PDE1C: variants seen among roughly 807,000 people sequenced by gnomAD.
The protein encoded by PDE1C is phosphodiesterase 1C.
A neutral mutation model predicts 93.1 loss-of-function variants in PDE1C; 62 were observed. The ratio of observed to expected loss-of-function variants is 0.67; its 90% CI spans 0.54 to 0.82. The LOEUF is 0.82. Among genes scored for constraint, PDE1C ranks in the 40% least tolerant of loss-of-function variants. The probability of loss-of-function intolerance (pLI) is 0.00; values close to 1 mark genes in which losing one functional copy is unlikely to be tolerated. For synonymous variants in PDE1C, 325 were observed against 310.1 expected (o/e 1.05, Z -0.50); for missense variants, 742 against 884.6 (o/e 0.84, Z 2.04).
At chr7:31,620,065 G>A in the PDE1C span, among the ~76,000 whole-genome samples, 131 of 152,272 alleles carry the variant, frequency 8.6e-4, no homozygotes, top group Non-Finnish European at 1.7e-3. Context: ...AGGGGTGCCC[G>A]CCATTACCCA....
rs375457265 is a variant in PDE1C at position 32,112,906 on chromosome 7, A to G, written c.308+56879T>C. 5.7e-5 allele frequency among the ~76,000 whole-genome samples: 8 copies of G among 141,400 alleles called. No individual in the cohort carries two copies. The East Asian group carries it at 6.2e-4, about 11-fold the overall frequency. The allele number at this position is 141,400 out of a possible 152,430, so 92.8% of individuals were successfully genotyped here. Reference sequence around the variant, plus strand: ...TCCTGCCTGCTTCTTGGTTATTGTGATGCTTCAACTTTGATCAGAGGCAGT... The same window carrying G: ...TCCTGCCTGCTTCTTGGTTATTGTGGTGCTTCAACTTTGATCAGAGGCAGT... On this transcript the variant is annotated intron_variant, in intron 3 of 18. Coordinates refer to the PDE1C transcript ENST00000396193.
At chr7:31,748,291 T>C (rs1457581316), downstream of PDE1C, among the ~76,000 whole-genome samples, 1 of 144,546 alleles carries the variant, frequency 6.9e-6, no homozygotes, top group Non-Finnish European at 1.5e-5. Context: ...TACAAAAGTT[T>C]GGAATCTTTC....
chr7:32,000,187 G>C (rs1020338140), intron 2 of PDE1C, among the ~76,000 whole-genome samples: 7 of 152,124 alleles, frequency 4.6e-5, no homozygotes, highest in Admixed American at 1.3e-4. Context: ...CTCAGGAAAG[G>C]GGGGAGCCTT....
the PDE1C span, among the ~76,000 whole-genome samples, chr7:31,672,756 C>T: frequency 3.3e-5 from 5 of 152,072 alleles, no homozygotes; most frequent in Non-Finnish European, 5.9e-5. Flanking sequence ...GGGCAGTAAA[C>T]GGAATGGGAA....
At chr7:32,236,784 C>A (rs1184827944) in intron 1 of PDE1C, among the ~76,000 whole-genome samples, 1 of 152,160 alleles carries the variant, frequency 6.6e-6, no homozygotes, top group African/African-American at 2.4e-5. Flanking sequence ...CCACCTAATA[C>A]AAGTTTTTAT....
chr7:32,059,301 A>AT (rs1488032087), intron 1 of PDE1C, among the ~76,000 whole-genome samples: 1 of 152,166 alleles, frequency 6.6e-6, no homozygotes, highest in Non-Finnish European at 1.5e-5. Context: ...AAGACAGTCA[A>AT]TTTTTTACTC....
At position 31,977,077 on chromosome 7, in the gene PDE1C, T is replaced by C. The variant is rs150857410; in HGVS notation, c.128+74477A>G. On this transcript the variant is annotated intron_variant, in intron 2 of 17. Coordinates refer to ENST00000396191, the MANE Select transcript of PDE1C (RefSeq NM_001191057.4). ...TCAGAAACACTAAATTTAAGAATTA[T>C]TACTCTAGATATCTGCTATAGTTTA... Among the ~76,000 whole-genome samples the C allele has an allele frequency of 8.4e-3, 1,285 of 152,330 alleles. 21 individuals are homozygous for C. Among genetic ancestry groups the C allele is most frequent in the African/African-American group, 0.03 (1,232 of 41,574 alleles).
intron 2 of PDE1C, among the ~76,000 whole-genome samples, chr7:31,985,504 T>C (rs1783261122): frequency 6.6e-6 from 1 of 152,172 alleles, no homozygotes; most frequent in African/African-American, 2.4e-5. Flanking sequence ...ACATGTGCCA[T>C]GTTGGTTTCC....
intron 3 of PDE1C, among the ~76,000 whole-genome samples, chr7:32,114,021 G>A (rs1190558007): frequency 6.6e-6 from 1 of 152,150 alleles, no homozygotes; most frequent in African/African-American, 2.4e-5. Context: ...TCATGGATAG[G>A]AAGAATAAAT....
intron 1 of PDE1C, among the ~76,000 whole-genome samples, chr7:32,253,389 C>A (rs1460225387): frequency 6.6e-6 from 1 of 152,090 alleles, no homozygotes; most frequent in African/African-American, 2.4e-5. Context: ...TGGCCTTTAC[C>A]GAAACCCCAC....
chr7:31,976,186 G>C (rs972881234), intron 2 of PDE1C, among the ~76,000 whole-genome samples: 1 of 152,116 alleles, frequency 6.6e-6, no homozygotes, highest in East Asian at 1.9e-4. Flanking sequence ...ATATATAACG[G>C]CATGCTTCCA....
chr7:32,202,255 T>G (rs1860220), intron 2 of PDE1C, among the ~76,000 whole-genome samples: 113,842 of 152,124 alleles, frequency 0.75, 42,689 homozygotes, highest in Admixed American at 0.82. Flanking sequence ...TATGTCTTTG[T>G]ATATATTTCA....
the PDE1C span, chr7:31,652,678 G>A: frequency 1.4e-5 from 22 of 1,613,802 alleles, no homozygotes; most frequent in South Asian, 2.2e-5. Flanking sequence ...GAGGCTCCCT[G>A]TTCAGGTGGG....
chr7:31,712,692 A>C, the PDE1C span, among the ~76,000 whole-genome samples: 4 of 152,178 alleles, frequency 2.6e-5, no homozygotes, highest in Non-Finnish European at 5.9e-5. Context: ...CAAGACTGGG[A>C]AGAAAAAGAG....
intron 3 of PDE1C, among the ~76,000 whole-genome samples, chr7:32,091,181 A>T (rs1797450809): frequency 6.6e-6 from 1 of 152,246 alleles, no homozygotes; most frequent in African/African-American, 2.4e-5. Context: ...TAGATGAGGA[A>T]ACTGAGCCTC....
the PDE1C span, among the ~76,000 whole-genome samples, chr7:31,711,480 G>A: frequency 6.6e-6 from 1 of 152,240 alleles, no homozygotes; most frequent in East Asian, 1.9e-4. Flanking sequence ...GCCTAGTGCT[G>A]TTTATATAGT....
the PDE1C span, among the ~76,000 whole-genome samples, chr7:31,719,122 G>T: frequency 6.6e-6 from 1 of 152,232 alleles, no homozygotes; most frequent in Admixed American, 6.5e-5. Flanking sequence ...GTGCAATCTT[G>T]ATTGTTGAGA....
chr7:31,860,266 G>A (rs997851523), intron 7 of PDE1C, among the ~76,000 whole-genome samples: 2 of 152,134 alleles, frequency 1.3e-5, no homozygotes, highest in Non-Finnish European at 2.9e-5. Flanking sequence ...CTGGAGTGGG[G>A]AGTAGTGCTA....
intron 1 of PDE1C, among the ~76,000 whole-genome samples, chr7:32,267,273 A>G (rs62457472): frequency 0.12 from 17,819 of 152,214 alleles, 1,198 homozygotes; most frequent in African/African-American, 0.16. Flanking sequence ...GGCAGAGAGG[A>G]AGCACGTCTA....
Sources: allele counts gnomAD v4.1 joint callset (sites outside exome capture counted in the v4.1 genomes callset), GRCh38; gene constraint gnomAD v4.1.1; transcripts MANE v1.5; gene names NCBI Gene and HGNC (gene_info 2026-07-23, HGNC 2026-07-21).